TMEM178B: variants seen among roughly 807,000 people sequenced by gnomAD.
TMEM178B encodes the protein transmembrane protein 178B.
TMEM178B carries 5 observed loss-of-function variants against 31.0 expected under a neutral mutation model. The observed-to-expected ratio is 0.16, with a 90% confidence interval of 0.08 to 0.34. TMEM178B has a LOEUF of 0.34. Among genes scored for constraint, TMEM178B ranks in the 10% least tolerant of loss-of-function variants. The pLI, the probability that TMEM178B is intolerant of heterozygous loss-of-function variation, is 1.00. For synonymous variants in TMEM178B, 164 were observed against 164.0 expected (o/e 1.00, Z 0.00); for missense variants, 275 against 400.3 (o/e 0.69, Z 2.67).
At chr7:141,436,553 G>C (rs111792819) in intron 2 of TMEM178B, among the ~76,000 whole-genome samples, 2 of 152,138 alleles carry the variant, frequency 1.3e-5, no homozygotes, top group Non-Finnish European at 2.9e-5. Context: ...AGGGTAGAGG[G>C]GTGGGTGGCA....
chr7:141,242,541 CTTTTTTTT>C (rs58320290), intron 2 of TMEM178B, among the ~76,000 whole-genome samples: 1 of 91,646 alleles, frequency 1.1e-5, no homozygotes, highest in African/African-American at 4.5e-5. Flanking sequence ...GATTCTTTTC[CTTTTTTTT>C]TTTTTTTTTT....
At chr7:141,391,475 A>C (rs1486378508) in intron 2 of TMEM178B, among the ~76,000 whole-genome samples, 9 of 152,158 alleles carry the variant, frequency 5.9e-5, no homozygotes, top group African/African-American at 2.2e-4. Context: ...CAACTCTTTA[A>C]AAATACTTTT....
At chr7:141,213,665 T>C (rs1237805867) in intron 2 of TMEM178B, among the ~76,000 whole-genome samples, 2 of 152,224 alleles carry the variant, frequency 1.3e-5, no homozygotes, top group East Asian at 1.9e-4. Context: ...CTTCTCCTTA[T>C]AGGTGCTTAG....
chr7:141,449,558 A>C (rs1391754330), intron 3 of TMEM178B, among the ~76,000 whole-genome samples: 1 of 152,190 alleles, frequency 6.6e-6, no homozygotes, highest in Non-Finnish European at 1.5e-5. Context: ...ACCAGGGCAA[A>C]CCGGACCAGA....
At chr7:141,249,579 T>A (rs1472500663) in intron 2 of TMEM178B, among the ~76,000 whole-genome samples, 1 of 152,182 alleles carries the variant, frequency 6.6e-6, no homozygotes, top group Non-Finnish European at 1.5e-5. Flanking sequence ...AAGGCCCAGT[T>A]CAGGGAGGGT....
At chr7:141,269,219 T>C (rs1798142268) in intron 2 of TMEM178B, among the ~76,000 whole-genome samples, 1 of 151,900 alleles carries the variant, frequency 6.6e-6, no homozygotes, top group Admixed American at 6.6e-5. Context: ...GCCTCCCAAG[T>C]AGCTGGGACT....
chr7:141,246,433 C>T (rs1196638214), intron 2 of TMEM178B, among the ~76,000 whole-genome samples: 2 of 152,184 alleles, frequency 1.3e-5, no homozygotes, highest in Non-Finnish European at 2.9e-5. Context: ...GAGTAACGTC[C>T]ATCCTCTAGG....
chr7:141,117,785 G>T (rs1586779106), intron 1 of TMEM178B, among the ~76,000 whole-genome samples: 3 of 152,280 alleles, frequency 2.0e-5, no homozygotes, highest in South Asian at 2.1e-4. Flanking sequence ...TCCATTGCTT[G>T]TTTTTGTCAG....
chr7:141,181,751 TATC>T (rs1032236686), intron 1 of TMEM178B, among the ~76,000 whole-genome samples: 8 of 152,234 alleles, frequency 5.3e-5, no homozygotes, highest in South Asian at 2.1e-4. Context: ...CCTTGAATGT[TATC>T]ATGCTAAACT....
chr7:141,363,111 T>C (rs955898251), intron 2 of TMEM178B, among the ~76,000 whole-genome samples: 1 of 152,016 alleles, frequency 6.6e-6, no homozygotes, highest in African/African-American at 2.4e-5. Context: ...ATCGGAAAAG[T>C]CCCAAGGGCC....
At chr7:141,265,015 A>G (rs902438701) in intron 2 of TMEM178B, among the ~76,000 whole-genome samples, 1 of 152,200 alleles carries the variant, frequency 6.6e-6, no homozygotes, top group Non-Finnish European at 1.5e-5. Flanking sequence ...TCTGAGTTTT[A>G]TAAGTGTGAA....
intron 2 of TMEM178B, among the ~76,000 whole-genome samples, chr7:141,401,553 C>T (rs1800770537): frequency 6.6e-6 from 1 of 152,134 alleles, no homozygotes; most frequent in African/African-American, 2.4e-5. Context: ...GTAGCTGGGA[C>T]TACGGGTGCA....
At chr7:141,385,756 C>T (rs550061363) in intron 2 of TMEM178B, among the ~76,000 whole-genome samples, 57 of 152,292 alleles carry the variant, frequency 3.7e-4, no homozygotes, top group African/African-American at 1.3e-3. Context: ...TCTTATTATC[C>T]CTGGCCTAGG....
At chr7:141,200,123 C>G (rs889400459) in intron 1 of TMEM178B, among the ~76,000 whole-genome samples, 4 of 152,258 alleles carry the variant, frequency 2.6e-5, no homozygotes, top group African/African-American at 9.6e-5. Context: ...TCAAGTGATT[C>G]TCCCGCCTCG....
chr7:141,462,827 C>T (rs1008702387), intron 3 of TMEM178B, among the ~76,000 whole-genome samples: 3 of 151,774 alleles, frequency 2.0e-5, no homozygotes, highest in East Asian at 1.9e-4. Flanking sequence ...TCCAGAGCAC[C>T]GAGACTATCC....
chr7:141,127,324 G>A (rs1270254217), intron 1 of TMEM178B, among the ~76,000 whole-genome samples: 1 of 152,184 alleles, frequency 6.6e-6, no homozygotes, highest in Non-Finnish European at 1.5e-5. Flanking sequence ...AAAAAGTTAT[G>A]TTCATGTCCT....
intron 3 of TMEM178B, among the ~76,000 whole-genome samples, chr7:141,455,285 GTCAGA>G: frequency 6.6e-6 from 1 of 152,322 alleles, no homozygotes; most frequent in Middle Eastern, 3.4e-3. Context: ...CTATGAAGTA[GTCAGA>G]TTTTACCAAC....
chr7:141,499,779 C>CA, the TMEM178B span, among the ~76,000 whole-genome samples: 1 of 151,974 alleles, frequency 6.6e-6, no homozygotes, highest in East Asian at 1.9e-4. Context: ...TGAGTTAAAA[C>CA]AAAAAAATAT....
chr7:141,205,615 C>T (rs557150674), intron 1 of TMEM178B, among the ~76,000 whole-genome samples: 1 of 152,272 alleles, frequency 6.6e-6, no homozygotes, highest in Admixed American at 6.5e-5. Context: ...AATATTTGAT[C>T]CAAAGGAATG....
Sources: gnomAD v4.1 joint callset for allele counts (sites outside exome capture counted in the v4.1 genomes callset) on GRCh38, gnomAD v4.1.1 for gene constraint, MANE v1.5 for transcripts, NCBI Gene and HGNC (gene_info 2026-07-23, HGNC 2026-07-21) for gene names.